TAB2: variants seen among roughly 807,000 people sequenced by gnomAD.
TAB2 encodes the protein TGF-beta-activated kinase 1 and MAP3K7-binding protein 2.
In TAB2, 3 loss-of-function variants were observed where a neutral mutation model predicts 65.0. That is an observed-to-expected ratio of 0.05 (90% confidence interval 0.02 to 0.12). TAB2 has a LOEUF of 0.12. TAB2 is among the 10% of genes least tolerant of loss of function. The probability of loss-of-function intolerance (pLI) is 1.00; values close to 1 mark genes in which losing one functional copy is unlikely to be tolerated. For missense variants in TAB2, 623 were observed against 840.3 expected (o/e 0.74, Z 3.20); for synonymous variants, 298 against 285.1 (o/e 1.05, Z -0.46).
intron 3 of TAB2, among the ~76,000 whole-genome samples, chr6:149,390,026 A>G (rs1046056744): frequency 6.6e-5 from 10 of 152,194 alleles, no homozygotes; most frequent in Non-Finnish European, 1.5e-4. Context: ...TCTGATTTCA[A>G]ATTGCCTTTA....
At chr6:149,391,673 C>G (rs889213667) in intron 3 of TAB2, among the ~76,000 whole-genome samples, 8 of 152,016 alleles carry the variant, frequency 5.3e-5, no homozygotes, top group African/African-American at 1.9e-4. Context: ...TCTGGAGTAG[C>G]TGAGACTACA....
chr6:149,397,373 A>C (rs1249208059), intron 3 of TAB2, among the ~76,000 whole-genome samples: 3 of 152,074 alleles, frequency 2.0e-5, no homozygotes, highest in Admixed American at 2.0e-4. Flanking sequence ...CCCAGGAGGC[A>C]GAGGTTGCAC....
At chr6:149,271,752 T>C (rs1778368861) in intron 1 of TAB2, among the ~76,000 whole-genome samples, 1 of 152,078 alleles carries the variant, frequency 6.6e-6, no homozygotes, top group African/African-American at 2.4e-5. Flanking sequence ...AGAGAGGAAA[T>C]GGAGGTGTGG....
At chr6:149,310,252 G>C (rs989818047) in intron 1 of TAB2, among the ~76,000 whole-genome samples, 1 of 152,094 alleles carries the variant, frequency 6.6e-6, no homozygotes, top group African/African-American at 2.4e-5. Flanking sequence ...TGGGAGGATC[G>C]CTTGAGCCTG....
intron 1 of TAB2, chr6:149,218,875 C>G (rs1021419753): frequency 2.1e-5 from 9 of 433,480 alleles, no homozygotes; most frequent in African/African-American, 1.8e-4. Flanking sequence ...GGGAAATGCA[C>G]ACTGTGAGTA....
chr6:149,408,400 CA>C (rs1345779064), intron 6 of TAB2, among the ~76,000 whole-genome samples: 2 of 152,102 alleles, frequency 1.3e-5, no homozygotes, highest in Admixed American at 1.3e-4. Flanking sequence ...AATTTCTGTA[CA>C]ATGAGTAAGA....
chr6:149,274,709 G>A (rs899465620), intron 1 of TAB2, among the ~76,000 whole-genome samples: 6 of 152,226 alleles, frequency 3.9e-5, no homozygotes, highest in Admixed American at 1.3e-4. Context: ...CAGAGTTCCA[G>A]ACAAAGTGAG....
intron 1 of TAB2, chr6:149,342,816 G>T (rs1365918224): frequency 2.6e-5 from 4 of 152,116 alleles, no homozygotes; most frequent in Non-Finnish European, 5.9e-5. Context: ...GCTACAATTT[G>T]AATTTTTCTA....
At chr6:149,406,105 A>G (rs576895586) in intron 6 of TAB2, among the ~76,000 whole-genome samples, 1 of 152,256 alleles carries the variant, frequency 6.6e-6, no homozygotes, top group Non-Finnish European at 1.5e-5. Context: ...TCTGGAAGTC[A>G]GCAAACACGT....
chr6:149,396,321 G>A (rs1011141060), intron 3 of TAB2, among the ~76,000 whole-genome samples: 1 of 151,976 alleles, frequency 6.6e-6, no homozygotes, highest in African/African-American at 2.4e-5. Flanking sequence ...GCCCAGCCTG[G>A]AATTTTTTTC....
intron 1 of TAB2, among the ~76,000 whole-genome samples, chr6:149,284,918 A>G (rs1583064625): frequency 6.6e-6 from 1 of 151,994 alleles, no homozygotes; most frequent in Non-Finnish European, 1.5e-5. Flanking sequence ...TCATCCCCAC[A>G]CCTTCCTAAT....
At chr6:149,403,126 C>T (rs237022) in intron 6 of TAB2, among the ~76,000 whole-genome samples, 18,276 of 150,580 alleles carry the variant, frequency 0.12, 1,126 homozygotes, top group African/African-American at 0.15. Context: ...CCCAGGTACT[C>T]AGGAGGCTGA....
chr6:149,354,693 T>C (rs1780600794), intron 1 of TAB2, among the ~76,000 whole-genome samples: 1 of 152,182 alleles, frequency 6.6e-6, no homozygotes, highest in African/African-American at 2.4e-5. Context: ...TGTTCTTGTA[T>C]GTAAGAGAAT....
chr6:149,318,610 C>T (rs1279159877), intron 1 of TAB2: 1 of 152,198 alleles, frequency 6.6e-6, no homozygotes, highest in Non-Finnish European at 1.5e-5. Flanking sequence ...CCTTAAATTT[C>T]ACTGGATGTT....
chr6:149,381,740 C>T (rs1244769812), intron 3 of TAB2, among the ~76,000 whole-genome samples: 1 of 151,684 alleles, frequency 6.6e-6, no homozygotes, highest in African/African-American at 2.4e-5. Flanking sequence ...ATCCAGCTAA[C>T]TTTTTGTATT....
At chr6:149,396,514 C>A (rs1782177643) in intron 3 of TAB2, among the ~76,000 whole-genome samples, 2 of 152,100 alleles carry the variant, frequency 1.3e-5, no homozygotes, top group African/African-American at 2.4e-5. Flanking sequence ...GTTTAAAGTT[C>A]TTTTCCAAAT....
chr6:149,232,190 G>A (rs544701596), intron 1 of TAB2, among the ~76,000 whole-genome samples: 2 of 152,220 alleles, frequency 1.3e-5, no homozygotes, highest in South Asian at 2.1e-4. Flanking sequence ...GCCAGGCCTC[G>A]GGGACCACCA....
intron 1 of TAB2, among the ~76,000 whole-genome samples, chr6:149,361,437 C>T (rs911304383): frequency 3.3e-5 from 5 of 152,274 alleles, no homozygotes; most frequent in Non-Finnish European, 4.4e-5. Context: ...ATAGCTGGAG[C>T]GGCCTGGATT....
intron 1 of TAB2, among the ~76,000 whole-genome samples, chr6:149,277,314 G>A (rs980023042): frequency 6.6e-6 from 1 of 152,014 alleles, no homozygotes; most frequent in African/African-American, 2.4e-5. Context: ...AATAAAATAA[G>A]ATGCATTCCT....
Sources: allele counts gnomAD v4.1 joint callset (sites outside exome capture counted in the v4.1 genomes callset), GRCh38; gene constraint gnomAD v4.1.1; transcripts MANE v1.5; gene names NCBI Gene and HGNC (gene_info 2026-07-23, HGNC 2026-07-21).